The following FBXO42 variants were observed in gnomAD, a reference collection of about 807,000 sequenced individuals.
FBXO42 encodes the protein F-box only protein 42.
A neutral mutation model predicts 71.7 loss-of-function variants in FBXO42; 12 were observed. The observed-to-expected ratio is 0.17, with a 90% confidence interval of 0.11 to 0.27. The LOEUF is 0.27. FBXO42 is among the 10% of genes least tolerant of loss of function. The pLI, the probability that FBXO42 is intolerant of heterozygous loss-of-function variation, is 1.00. For synonymous variants in FBXO42, 325 were observed against 327.5 expected, an observed-to-expected ratio of 0.99 and a Z score of 0.08; for missense variants, 707 against 911.9, an observed-to-expected ratio of 0.78 and a Z score of 2.89.
At chr1:16,322,835 A>G (rs1386734408) in intron 1 of FBXO42, among the ~76,000 whole-genome samples, 1 of 152,218 alleles carries the variant, frequency 6.6e-6, no homozygotes, top group Non-Finnish European at 1.5e-5. Context: ...AAGATAGTAG[A>G]TATCAAGAAA....
intron 1 of FBXO42, among the ~76,000 whole-genome samples, chr1:16,336,862 G>A (rs1006834463): frequency 6.6e-6 from 1 of 152,064 alleles, no homozygotes; most frequent in Non-Finnish European, 1.5e-5. Flanking sequence ...GCAAACGCCC[G>A]TAATTCTAGC....
intron 4 of FBXO42, among the ~76,000 whole-genome samples, chr1:16,275,841 T>G (rs2081894969): frequency 6.6e-6 from 1 of 151,362 alleles, no homozygotes; most frequent in Non-Finnish European, 1.5e-5. Flanking sequence ...AAACCCCGTC[T>G]CTACTAAAAA....
chr1:16,307,948 T>C (rs1024031251), intron 2 of FBXO42, among the ~76,000 whole-genome samples: 4 of 152,186 alleles, frequency 2.6e-5, no homozygotes, highest in African/African-American at 4.8e-5. Flanking sequence ...CCACAGTTTA[T>C]GTGGAGAAGC....
chr1:16,264,627 G>C (rs139215474), intron 4 of FBXO42, among the ~76,000 whole-genome samples: 61 of 152,224 alleles, frequency 4.0e-4, no homozygotes, highest in African/African-American at 1.5e-3. Context: ...TCTTCCCCTA[G>C]AGCCAGGAGT....
chr1:16,266,966 T>G (rs1352874714), intron 4 of FBXO42, among the ~76,000 whole-genome samples: 1 of 152,196 alleles, frequency 6.6e-6, no homozygotes, highest in East Asian at 1.9e-4. Context: ...TATTTTGATT[T>G]TACAGGCAAT....
intron 1 of FBXO42, among the ~76,000 whole-genome samples, chr1:16,334,238 C>G (rs2082528735): frequency 6.6e-6 from 1 of 151,974 alleles, no homozygotes; most frequent in East Asian, 1.9e-4. Flanking sequence ...TCGAGACCAT[C>G]CTGGTTAACA....
At chr1:16,346,485 G>T (rs959124979) in intron 1 of FBXO42, among the ~76,000 whole-genome samples, 17 of 151,840 alleles carry the variant, frequency 1.1e-4, no homozygotes, top group African/African-American at 3.6e-4. Context: ...TCAGGAGATC[G>T]AGACCATCCT....
In FBXO42 at chr1:16,298,035, G is replaced by A. The variant is rs2082149925; in HGVS notation, c.368-3118C>T. Among the ~76,000 whole-genome samples the A allele has an allele frequency of 2.0e-5, 3 of 152,028 alleles. No homozygotes were observed. The South Asian group carries it at 6.2e-4, about 31-fold the overall frequency. On this transcript the variant is annotated intron_variant, in intron 3 of 9. Transcript: ENST00000375592. ...GAGGTCAGGAGTTCGAGTCCAGCCT[G>A]GCAAACATGGTGAAACCCCTCTCTA...
At position 16,258,363 on chromosome 1, in the gene FBXO42, C is replaced by CT. The variant is rs5772663; in HGVS notation, c.503-1605dup. Reference sequence around the variant, plus strand: ...ATCAGCTATTTTTCATTTCTTCTTCCTTTTTTTTTTTTTGAGACAGGGTCT... The same window carrying CT: ...ATCAGCTATTTTTCATTTCTTCTTCCTTTTTTTTTTTTTTGAGACAGGGTCT... On this transcript the variant is annotated intron_variant, in intron 4 of 9. Coordinates refer to ENST00000375592, the MANE Select transcript of FBXO42 (RefSeq NM_018994.3). 1.9e-3 allele frequency among the ~76,000 whole-genome samples: 273 copies of CT among 146,570 alleles called. 2 individuals are homozygous for CT. The East Asian group carries it at 0.031, about 17-fold the overall frequency.
intron 1 of FBXO42, among the ~76,000 whole-genome samples, chr1:16,334,811 C>T (rs1204383882): frequency 6.6e-6 from 1 of 152,000 alleles, no homozygotes; most frequent in Non-Finnish European, 1.5e-5. Flanking sequence ...TACAGGCAAA[C>T]AGGTATGCAA....
chr1:16,303,467 G>A (rs762436643), intron 3 of FBXO42, among the ~76,000 whole-genome samples: 64 of 152,232 alleles, frequency 4.2e-4, no homozygotes, highest in Middle Eastern at 3.4e-3. Context: ...ACAGATTTCC[G>A]AATGTCAGAG....
intron 1 of FBXO42, among the ~76,000 whole-genome samples, chr1:16,344,809 A>AT (rs1312245204): frequency 6.6e-6 from 1 of 152,032 alleles, no homozygotes. Flanking sequence ...TTCTAATAAT[A>AT]TTTTCTGGGC....
At chr1:16,339,333 A>C (rs2082581564) in intron 1 of FBXO42, among the ~76,000 whole-genome samples, 1 of 151,368 alleles carries the variant, frequency 6.6e-6, no homozygotes, top group Admixed American at 6.6e-5. Flanking sequence ...TGTTTTTTTG[A>C]GATGAAGTCT....
chr1:16,265,174 G>C (rs1006538128), intron 4 of FBXO42, among the ~76,000 whole-genome samples: 1 of 152,160 alleles, frequency 6.6e-6, no homozygotes, highest in South Asian at 2.1e-4. Flanking sequence ...GCTCACCGCA[G>C]CCTCTGCCTC....
chr1:16,309,944 C>T (rs886749779), intron 2 of FBXO42, among the ~76,000 whole-genome samples: 2 of 152,020 alleles, frequency 1.3e-5, no homozygotes, highest in Non-Finnish European at 1.5e-5. Context: ...GCCTGTAATC[C>T]CAGCACTTTG....
intron 1 of FBXO42, among the ~76,000 whole-genome samples, chr1:16,325,385 T>C (rs2082441204): frequency 6.6e-6 from 1 of 152,178 alleles, no homozygotes; most frequent in Non-Finnish European, 1.5e-5. Context: ...CTCCTTATTA[T>C]TGACAGTCTA....
rs1026476174 is a variant in FBXO42 at position 16,249,551 on chromosome 1, C to T, written c.*1119G>A. 1.3e-5 allele frequency: 2 copies of T among 152,196 alleles called. No individual in the cohort carries two copies. The highest frequency in any genetic ancestry group is 2.9e-5 in the Non-Finnish European group (2 of 68,030). 9.4% of individuals were successfully genotyped at this position (152,196 alleles called of 1,614,324 possible). On this transcript the variant is annotated 3_prime_UTR_variant, in exon 10 of 10. Transcript: ENST00000375592. ...ATTCTACAAATATGGGATGAGTGTG[C>T]TCAATGTGCTTTGGAAGTAAAAAGA...
intron 1 of FBXO42, among the ~76,000 whole-genome samples, chr1:16,319,509 C>T (rs1327457507): frequency 5.3e-5 from 8 of 152,148 alleles, no homozygotes; most frequent in Non-Finnish European, 1.2e-4. Flanking sequence ...TGGCTTAAGT[C>T]CACCTGGTGG....
At chr1:16,270,183 C>A (rs768538460) in intron 4 of FBXO42, among the ~76,000 whole-genome samples, 10 of 152,112 alleles carry the variant, frequency 6.6e-5, no homozygotes, top group Non-Finnish European at 1.3e-4. Context: ...AGCCACCAGT[C>A]CCCACTCCCA....
Sources: gnomAD v4.1 joint callset for allele counts (sites outside exome capture counted in the v4.1 genomes callset) on GRCh38, gnomAD v4.1.1 for gene constraint, MANE v1.5 for transcripts, NCBI Gene and HGNC (gene_info 2026-07-23, HGNC 2026-07-21) for gene names.